Variants in PLEKHA5 observed in about 807,000 individuals in gnomAD.
PLEKHA5 encodes pleckstrin homology domain-containing family A member 5.
Under a neutral mutation model 181.9 loss-of-function variants are expected in PLEKHA5, and 55 were observed. The observed-to-expected ratio is 0.30, with a 90% CI of 0.24 to 0.38. The LOEUF (loss-of-function observed/expected upper bound fraction) is 0.38, where lower values mean the gene tolerates loss of function less well. Ranked by LOEUF, PLEKHA5 falls within the 10% of genes least tolerant of loss-of-function variation. PLEKHA5 has a pLI of 1.00. For missense variants in PLEKHA5, 1,432 were observed against 1,549.5 expected, an observed-to-expected ratio of 0.92 and a Z score of 1.27; for synonymous variants, 535 against 529.4, an observed-to-expected ratio of 1.01 and a Z score of -0.15.
At chr12:19,186,179 G>A (rs2049820709) in intron 3 of PLEKHA5, among the ~76,000 whole-genome samples, 2 of 152,184 alleles carry the variant, frequency 1.3e-5, no homozygotes, top group African/African-American at 4.8e-5. Flanking sequence ...GAAAATGGCT[G>A]TGCTAATTTT....
intron 3 of PLEKHA5, among the ~76,000 whole-genome samples, chr12:19,244,134 A>G (rs2063187245): frequency 6.6e-6 from 1 of 152,190 alleles, no homozygotes; most frequent in Admixed American, 6.5e-5. Flanking sequence ...TGGCTGCTAC[A>G]AACATGTTTT....
At chr12:19,311,989 C>G (rs939116198) in intron 15 of PLEKHA5, among the ~76,000 whole-genome samples, 3 of 152,170 alleles carry the variant, frequency 2.0e-5, no homozygotes, top group African/African-American at 7.2e-5. Context: ...GATCCATGGG[C>G]TGCAGAATGG....
Position 19,318,200 on chromosome 12 carries a change from G to A in PLEKHA5, c.2119-1821G>A, listed in dbSNP as rs538828925. ...AGCAATGTGTGGGGAGAGGTTTAAGGATTTGGTTAGTTGATGTCTAATGAA... is the reference window on the plus strand; with the variant it reads ...AGCAATGTGTGGGGAGAGGTTTAAGAATTTGGTTAGTTGATGTCTAATGAA... On this transcript the variant is annotated intron_variant, in intron 16 of 31. Coordinates refer to ENST00000429027, the MANE Select transcript of PLEKHA5 (RefSeq NM_001256470.2). Among the ~76,000 whole-genome samples, 6 of 151,646 alleles carry A rather than the reference G, an allele frequency of 4.0e-5. No individual in the cohort carries two copies. The South Asian group carries it at 6.3e-4, about 16-fold the overall frequency.
intron 22 of PLEKHA5, 66 bp downstream of exon 22, chr12:19,343,500 C>T: frequency 1.1e-6 from 1 of 890,528 alleles, no homozygotes; most frequent in Non-Finnish European, 1.9e-6. Flanking sequence ...CGCTTGGTGA[C>T]AGATTACATT....
chr12:19,230,248 A>T (rs1214524874), intron 3 of PLEKHA5, among the ~76,000 whole-genome samples: 1 of 152,222 alleles, frequency 6.6e-6, no homozygotes, highest in African/African-American at 2.4e-5. Flanking sequence ...CCTTAGGTAG[A>T]CATAGAGGTT....
At chr12:19,151,736 C>T (rs1233294907) in intron 3 of PLEKHA5, 1 of 151,522 alleles carries the variant, frequency 6.6e-6, no homozygotes, top group African/African-American at 2.4e-5. Flanking sequence ...TACTAAAGGA[C>T]AGTGATTTAA....
chr12:19,219,511 CCTT>C (rs892254533), intron 3 of PLEKHA5, among the ~76,000 whole-genome samples: 8 of 59,992 alleles, frequency 1.3e-4, no homozygotes, highest in Non-Finnish European at 1.8e-4. Flanking sequence ...CTCCTGTTTC[CCTT>C]CTTTTTTTTT....
At chr12:19,153,611 C>T (rs1414827204) in intron 3 of PLEKHA5, 1 of 152,146 alleles carries the variant, frequency 6.6e-6, no homozygotes, top group Non-Finnish European at 1.5e-5. Flanking sequence ...ACATCATTAT[C>T]ACCCAAAGTT....
chr12:19,201,059 G>C (rs2054066446), intron 3 of PLEKHA5: 1 of 152,024 alleles, frequency 6.6e-6, no homozygotes, highest in Non-Finnish European at 1.5e-5. Context: ...AGAATGAAAA[G>C]ACAAGTCACA....
rs1453949037 is a variant in PLEKHA5, at chr12:19,284,217, C to T, written c.1779+472C>T. On this transcript the variant is annotated intron_variant, in intron 12 of 31. Transcript: ENST00000429027. The stretch of plus-strand genomic sequence containing the variant: ...CCGAGTAGCTGGGATTACAGACATG[C>T]GCCACCACACCTGGCTAATTTTTGT... 2.6e-5 allele frequency among the ~76,000 whole-genome samples: 4 copies of T among 151,988 alleles called. No homozygotes were observed. In the East Asian group the frequency reaches 5.8e-4, roughly 22 times the overall value.
At chr12:19,281,748 G>A (rs946145421) in intron 11 of PLEKHA5, among the ~76,000 whole-genome samples, 5 of 147,422 alleles carry the variant, frequency 3.4e-5, no homozygotes, top group African/African-American at 1.2e-4. Context: ...ACTCAAAAGA[G>A]TATGTTTATC....
intron 3 of PLEKHA5, among the ~76,000 whole-genome samples, chr12:19,188,009 T>A (rs932576325): frequency 3.3e-5 from 5 of 152,194 alleles, no homozygotes; most frequent in African/African-American, 1.2e-4. Context: ...ATATTTGTGT[T>A]TTTTTCTTCA....
Position 19,357,062 on chromosome 12 carries a change from G to A in PLEKHA5, c.3139-1166G>A, listed in dbSNP as rs991365108. 1.6e-4 allele frequency among the ~76,000 whole-genome samples: 25 copies of A among 151,874 alleles called. No individual in the cohort carries two copies. The South Asian group carries it at 3.7e-3, about 23-fold the overall frequency. On this transcript the variant is annotated intron_variant, in intron 26 of 31. Transcript: ENST00000429027. ...GTGTTTGTTTTATTAGTCTTTTCAC[G>A]GTAAATGTATAACTTAAAACATTAC...
intron 21 of PLEKHA5, among the ~76,000 whole-genome samples, chr12:19,339,598 A>G (rs1162732286): frequency 6.6e-6 from 1 of 152,202 alleles, no homozygotes; most frequent in Non-Finnish European, 1.5e-5. Flanking sequence ...TTTTATTCCA[A>G]CCAAATTTCC....
chr12:19,353,778 A>C (rs971415664), intron 25 of PLEKHA5, 106 bp from the exon 26 acceptor site: 1 of 699,974 alleles, frequency 1.4e-6, no homozygotes, highest in African/African-American at 1.8e-5. Flanking sequence ...CTTTTTAAAT[A>C]AATTTGCTTT....
intron 3 of PLEKHA5, among the ~76,000 whole-genome samples, chr12:19,159,624 T>C (rs866905510): frequency 5.3e-5 from 8 of 152,208 alleles, no homozygotes; most frequent in African/African-American, 1.9e-4. Flanking sequence ...ATTACTTTCA[T>C]GTATGAATAA....
At chr12:19,173,008 T>C (rs1159320517) in intron 3 of PLEKHA5, among the ~76,000 whole-genome samples, 15 of 59,674 alleles carry the variant, frequency 2.5e-4, no homozygotes, top group African/African-American at 1.2e-3. Context: ...TCCCTTTCTT[T>C]TTTTTTTTTT....
At chr12:19,362,253 G>A (rs1292480865) in intron 29 of PLEKHA5, among the ~76,000 whole-genome samples, 1 of 151,150 alleles carries the variant, frequency 6.6e-6, no homozygotes, top group Non-Finnish European at 1.5e-5. Flanking sequence ...AACACATGTG[G>A]CCAGGAGCAG....
chr12:19,281,939 G>A (rs1020549925), intron 11 of PLEKHA5, among the ~76,000 whole-genome samples: 1 of 151,878 alleles, frequency 6.6e-6, no homozygotes, highest in South Asian at 2.1e-4. Flanking sequence ...CTGCCACCAC[G>A]CCCGGCTAAT....
Sources: allele counts gnomAD v4.1 joint callset (sites outside exome capture counted in the v4.1 genomes callset), GRCh38; gene constraint gnomAD v4.1.1; transcripts MANE v1.5; gene names NCBI Gene and HGNC (gene_info 2026-07-23, HGNC 2026-07-21).